PC: variants seen among roughly 807,000 people sequenced by gnomAD.
The protein encoded by PC is pyruvate carboxylase, mitochondrial.
Under a neutral mutation model 107.8 loss-of-function variants are expected in PC, and 46 were observed. The ratio of observed to expected loss-of-function variants is 0.43; its 90% CI spans 0.34 to 0.55. PC has a LOEUF of 0.55. PC is among the 20% of genes least tolerant of loss of function. PC has a pLI of 0.04. For synonymous variants in PC, 662 were observed against 684.7 expected (o/e 0.97, Z 0.52); for missense variants, 1,241 against 1,643.1 (o/e 0.76, Z 4.23).
intron 3 of PC, among the ~76,000 whole-genome samples, chr11:66,895,109 C>T (rs1356607436): frequency 6.6e-6 from 1 of 151,668 alleles, no homozygotes; most frequent in Non-Finnish European, 1.5e-5. Context: ...CCTGGAAGAA[C>T]AGAGGTTTAC....
At chr11:66,944,668 G>T (rs1406802215) in intron 3 of PC, among the ~76,000 whole-genome samples, 1 of 117,434 alleles carries the variant, frequency 8.5e-6, no homozygotes, top group Non-Finnish European at 1.9e-5. Context: ...AGCCCAAAGG[G>T]ATGAAGACAA....
intron 12 of PC, 72 bp from the exon 13 acceptor site, chr11:66,853,455 AAAGAG>A (rs1945629386): frequency 2.5e-6 from 4 of 1,577,736 alleles, no homozygotes; most frequent in Non-Finnish European, 3.5e-6. Context: ...GAAAAGGCTG[AAAGAG>A]AAAAGGCTGA....
intron 3 of PC, among the ~76,000 whole-genome samples, chr11:66,926,651 A>C (rs979562024): frequency 6.6e-6 from 1 of 152,222 alleles, no homozygotes; most frequent in Non-Finnish European, 1.5e-5. Flanking sequence ...TTGGTAACCA[A>C]CTATCCAATT....
chr11:66,853,726 G>A (rs902059458), intron 12 of PC, among the ~76,000 whole-genome samples: 4 of 152,218 alleles, frequency 2.6e-5, no homozygotes, highest in Admixed American at 2.0e-4. Flanking sequence ...CACGCTTCTC[G>A]AAAGAGGGCC....
chr11:66,868,797 C>T, intron 10 of PC, 49 bp downstream of exon 10: 3 of 1,472,092 alleles, frequency 2.0e-6, no homozygotes, highest in South Asian at 1.1e-5. Context: ...GTACTTTATG[C>T]AAATCCTAGA....
intron 12 of PC, chr11:66,859,055 C>G: frequency 6.7e-7 from 1 of 1,501,118 alleles, no homozygotes; most frequent in Non-Finnish European, 8.9e-7. Flanking sequence ...TGTTCCAAAT[C>G]CAGTACAACA....
chr11:66,900,071 G>T (rs1418169111), intron 3 of PC, among the ~76,000 whole-genome samples: 2 of 151,846 alleles, frequency 1.3e-5, no homozygotes, highest in Non-Finnish European at 2.9e-5. Flanking sequence ...GTTTATTCTG[G>T]GCTCTCAGTT....
At chr11:66,859,809 G>A (rs200702977) in intron 12 of PC, 4 of 1,585,668 alleles carry the variant, frequency 2.5e-6, no homozygotes, top group Admixed American at 1.7e-5. Context: ...CCTGTGCCAC[G>A]CCCTGCAGGC....
rs1946525643 is a variant in PC at position 66,866,946 on chromosome 11, G to C, written c.1023-597C>G. ...CTGTCCTTCTGAGGCCTGTTTTCCT[G>C]CTGGACTTGTGCCCAAAACCCCCTA... On this transcript the variant is annotated intron_variant, in intron 10 of 22. Coordinates refer to ENST00000393960, the MANE Select transcript of PC (RefSeq NM_001040716.2). The surrounding 1 kb of genome is among the most constrained non-coding windows in gnomAD (Gnocchi z 5.4). Among the ~76,000 whole-genome samples the C allele has an allele frequency of 6.6e-6, 1 of 152,182 alleles. No individual in the cohort carries two copies. The highest frequency in any genetic ancestry group is 2.4e-5 in the African/African-American group (1 of 41,430).
rs996260553 is a variant in PC at position 66,866,094 on chromosome 11, C to T, written c.1185+93G>A. The T allele has an allele frequency of 2.5e-5, 36 of 1,424,798 alleles. No homozygotes were observed. Among genetic ancestry groups the T allele is most frequent in the Non-Finnish European group, 3.2e-5 (33 of 1,036,586 alleles). The allele number at this position is 1,424,798 out of a possible 1,614,324, so 88.3% of individuals were successfully genotyped here. ...CCACATGCGGGTCCTCCCTAACTGCCGGGCTGTGGCAACTTGGCACTGCAG... is the reference window on the plus strand; with the variant it reads ...CCACATGCGGGTCCTCCCTAACTGCTGGGCTGTGGCAACTTGGCACTGCAG... On this transcript the variant is annotated intron_variant, in intron 11 of 22. Coordinates refer to ENST00000393960, the MANE Select transcript of PC (RefSeq NM_001040716.2). This position sits in a 1 kb window ranked among gnomAD's most constrained non-coding sequence, Gnocchi z 5.4.
chr11:66,871,068 A>T lies in PC; in HGVS notation c.617T>A (p.Val206Glu), dbSNP rs1946711239. The T allele has an allele frequency of 1.2e-6, 2 of 1,613,578 alleles. No homozygotes were observed. Among genetic ancestry groups the T allele is most frequent in the Admixed American group, 3.3e-5 (2 of 59,948 alleles). ...AYGGGGRGMR[V>E]VHSYEELEEN... ...TTCACTCACCTCGTAGCTGTGCACC[A>T]CCCTCATGCCACGCCCTCCACCCCC... The change falls in exon 7 of 23, where the codon GTG (valine) becomes GAG (glutamate). Residue 206 changes from valine (V) to glutamate (E), a missense_variant. By Grantham distance (121) the Val-to-Glu change is moderately radical (BLOSUM62 -2). Coordinates refer to ENST00000393960, the MANE Select transcript of PC (RefSeq NM_001040716.2). The surrounding 1 kb of genome is among the most constrained non-coding windows in gnomAD (Gnocchi z 7.4).
At chr11:66,915,908 C>T (rs1290470768) in intron 3 of PC, among the ~76,000 whole-genome samples, 2 of 152,206 alleles carry the variant, frequency 1.3e-5, no homozygotes, top group Non-Finnish European at 2.9e-5. Flanking sequence ...CCTCTTTCGG[C>T]ACTTTGAGCT....
rs2135803326 is a variant in PC at position 66,851,103 on chromosome 11, CAGTG to C, written c.2156_2159del (p.Ser719CysfsTer28). ...CTTCGGCCAAGCCCATGTAGTACTG[CAGTG>C]AGTACTTGGTGCGGCTGGGGTCGGC... On this transcript the variant is annotated frameshift_variant, in exon 17 of 23. Coordinates refer to ENST00000393960, the MANE Select transcript of PC (RefSeq NM_001040716.2). LOFTEE classifies it high-confidence loss of function. 1.2e-6 allele frequency: 2 copies of C among 1,613,316 alleles called. No homozygotes were observed. Among genetic ancestry groups the C allele is most frequent in the Non-Finnish European group, 1.7e-6 (2 of 1,179,972 alleles).
intron 3 of PC, among the ~76,000 whole-genome samples, chr11:66,873,606 C>A (rs943730665): frequency 6.2e-5 from 8 of 129,076 alleles, no homozygotes; most frequent in Admixed American, 2.8e-4. Flanking sequence ...AACTTATATC[C>A]CTGAATGCAA....
rs1288696415 is a variant in PC at position 66,852,839 on chromosome 11, G to A, written c.1514-3C>T. ...TGGACCGTTTACCATGACATGGCCT[G>A]GGGAGAAAGCGGGCAGTGGGTCAGG... On this transcript the variant is annotated splice_polypyrimidine_tract_variant and splice_region_variant and intron_variant, in intron 13 of 22. Transcript: ENST00000393960. This position sits in a 1 kb window ranked among gnomAD's most constrained non-coding sequence, Gnocchi z 4.7. 7.0e-6 allele frequency: 11 copies of A among 1,560,722 alleles called. No individual in the cohort carries two copies. Among genetic ancestry groups the A allele is most frequent in the Non-Finnish European group, 9.6e-6 (11 of 1,149,772 alleles).
At chr11:66,863,638 A>G in intron 12 of PC, 136 bp downstream of exon 12, 1 of 921,108 alleles carries the variant, frequency 1.1e-6, no homozygotes, top group Non-Finnish European at 1.6e-6. Flanking sequence ...AGCCAAGGAG[A>G]GCCACTGACC....
At position 66,852,227 on chromosome 11, in the gene PC, C is replaced by T. The variant is rs552605317; in HGVS notation, c.1825+212G>A. Among the ~76,000 whole-genome samples the T allele has an allele frequency of 6.6e-6, 1 of 152,356 alleles. No homozygotes were observed. The highest frequency in any genetic ancestry group is 1.9e-4 in the East Asian group (1 of 5,192). ...TAACAGGCAGGTGTCTCCTCCTGAC[C>T]CTGGACCTCCCAGGATGCACCTGGT... On this transcript the variant is annotated intron_variant, in intron 15 of 22. Transcript: ENST00000393960. This position sits in a 1 kb window ranked among gnomAD's most constrained non-coding sequence, Gnocchi z 4.7.
intron 12 of PC, among the ~76,000 whole-genome samples, chr11:66,862,738 C>A (rs1946327136): frequency 6.6e-6 from 1 of 152,166 alleles, no homozygotes. Context: ...GTAACAGAGC[C>A]CAGCAAAGGG....
chr11:66,890,059 C>T (rs983754098), intron 3 of PC, among the ~76,000 whole-genome samples: 3 of 152,166 alleles, frequency 2.0e-5, no homozygotes, highest in Non-Finnish European at 4.4e-5. Context: ...ATGTTTGTGT[C>T]CACACCAAAT....
Sources: allele counts gnomAD v4.1 joint callset (sites outside exome capture counted in the v4.1 genomes callset), GRCh38; gene constraint gnomAD v4.1.1; non-coding constraint Gnocchi (gnomAD v3.1); transcripts MANE v1.5; gene names NCBI Gene and HGNC (gene_info 2026-07-23, HGNC 2026-07-21).